Variants in PDZD2 observed in about 807,000 individuals in gnomAD.
PDZD2 encodes the protein PDZ domain containing 2.
A neutral mutation model predicts 220.7 loss-of-function variants in PDZD2; 90 were observed. That is an observed-to-expected ratio of 0.41 (90% CI 0.34 to 0.49). The LOEUF (loss-of-function observed/expected upper bound fraction) is 0.49. PDZD2 is among the 20% of genes least tolerant of loss of function. The pLI is 0.28. For synonymous variants in PDZD2, 1,375 were observed against 1,450.5 expected, an observed-to-expected ratio of 0.95 and a Z score of 1.18; for missense variants, 3,174 against 3,608.5, an observed-to-expected ratio of 0.88 and a Z score of 3.08.
chr5:32,043,049 C>A (rs1737575645), intron 7 of PDZD2, among the ~76,000 whole-genome samples: 1 of 152,152 alleles, frequency 6.6e-6, no homozygotes, highest in African/African-American at 2.4e-5. Flanking sequence ...TCCTTCCCTG[C>A]CCTTTGGCTT....
chr5:31,744,878 G>C (rs2150170630), intron 1 of PDZD2, among the ~76,000 whole-genome samples: 1 of 151,998 alleles, frequency 6.6e-6, no homozygotes, highest in African/African-American at 2.4e-5. Flanking sequence ...AGACCATCCT[G>C]GCTAACATGG....
chr5:32,092,862 T>C (rs1262106414), intron 20 of PDZD2, 45 bp from the exon 21 acceptor site: 5 of 940,316 alleles, frequency 5.3e-6, no homozygotes, highest in Non-Finnish European at 6.6e-6. Context: ...AATGAAGAAA[T>C]TGCTTTTTTC....
In PDZD2 at chr5:32,088,416, C is replaced by T. The variant is rs1349133576; in HGVS notation, c.4968C>T (p.Tyr1656=). 2 of 1,614,042 alleles carry T rather than the reference C, an allele frequency of 1.2e-6. No individual in the cohort carries two copies. Among genetic ancestry groups the T allele is most frequent in the East Asian group, 4.5e-5 (2 of 44,874 alleles). ...AGGCCGCCTGCTTGCCAGGCTCATACACTTCAGGCCCAGACTCTTCCCAGC... is the reference window on the plus strand; with the variant it reads ...AGGCCGCCTGCTTGCCAGGCTCATATACTTCAGGCCCAGACTCTTCCCAGC... ...REKAACLPGS[Y]TSGPDSSQPS... The change falls in exon 20 of 25, where the codon TAC becomes TAT. Residue 1656 remains tyrosine, a synonymous_variant. Coordinates refer to ENST00000438447, the MANE Select transcript of PDZD2 (RefSeq NM_178140.4). The surrounding 1 kb of genome is among the most constrained non-coding windows in gnomAD (Gnocchi z 4.6).
chr5:31,840,076 A>G (rs1580863176), intron 2 of PDZD2, among the ~76,000 whole-genome samples: 1 of 152,082 alleles, frequency 6.6e-6, no homozygotes, highest in Middle Eastern at 3.4e-3. Flanking sequence ...AAAAATACAG[A>G]AATTAGCCAG....
At chr5:31,839,431 A>G (rs1757138781) in intron 2 of PDZD2, among the ~76,000 whole-genome samples, 2 of 152,244 alleles carry the variant, frequency 1.3e-5, no homozygotes, top group South Asian at 4.1e-4. Flanking sequence ...TGGTGTTATT[A>G]TAGAATAAAT....
intron 16 of PDZD2, 97 bp from the exon 17 acceptor site, chr5:32,072,064 T>A: frequency 1.2e-6 from 1 of 834,910 alleles, no homozygotes; most frequent in Non-Finnish European, 1.9e-6. Context: ...GACCGTTGAT[T>A]AGAACGAAGT....
Position 32,110,517 on chromosome 5 carries a change from C to CTGAAG in PDZD2, c.*2387_*2391dup, listed in dbSNP as rs1360140407. Reference sequence around the variant, plus strand: ...TTAGCCTAATAAATTCCCACACTTTCTGAAGTGAACACTAATGGTATTGTC... The same window carrying CTGAAG: ...TTAGCCTAATAAATTCCCACACTTTCTGAAGTGAAGTGAACACTAATGGTATTGTC... On this transcript the variant is annotated 3_prime_UTR_variant, in exon 25 of 25. Transcript: ENST00000438447. The CTGAAG allele has an allele frequency of 6.6e-6, 1 of 152,604 alleles. No individual in the cohort carries two copies. Among genetic ancestry groups the CTGAAG allele is most frequent in the East Asian group, 1.9e-4 (1 of 5,202 alleles). The allele number at this position is 152,604 out of a possible 1,614,324, so 9.5% of individuals were successfully genotyped here.
chr5:32,077,565 T>G lies in PDZD2; in HGVS notation c.3641T>G (p.Leu1214Arg). Residue 1214 changes from leucine to arginine, a missense_variant, in exon 19 of 25, where the codon CTG (leucine) becomes CGG (arginine). Leu to Arg is a moderately radical substitution (Grantham distance 102). Coordinates refer to ENST00000438447, the MANE Select transcript of PDZD2 (RefSeq NM_178140.4). ...HLDASHLTEN[L>R]PKAASELGQQ... ...GATGCCAGCCACCTCACAGAGAACC[T>G]GCCCAAAGCTGCATCAGAGCTGGGG... 1 of 1,614,158 alleles carries G rather than the reference T, an allele frequency of 6.2e-7. No homozygotes were observed. The highest frequency in any genetic ancestry group is 8.5e-7 in the Non-Finnish European group (1 of 1,180,004).
Position 32,090,650 on chromosome 5 carries a change from G to A in PDZD2, c.7202G>A (p.Ser2401Asn). 1 of 1,614,104 alleles carries A rather than the reference G, an allele frequency of 6.2e-7. No individual in the cohort carries two copies. Among genetic ancestry groups the A allele is most frequent in the Non-Finnish European group, 8.5e-7 (1 of 1,180,010 alleles). Reference sequence around the variant, plus strand: ...TTGAGACGCAGCTTGAGTTCCTGCAGCGAAAACCAAAGCGAAGCCGGCACC... The same window carrying A: ...TTGAGACGCAGCTTGAGTTCCTGCAACGAAAACCAAAGCGAAGCCGGCACC... ...RLLRRSLSSC[S>N]ENQSEAGTLL... Residue 2401 changes from serine (S) to asparagine (N), a missense_variant, in exon 20 of 25, where the codon AGC (serine) becomes AAC (asparagine). Physicochemically the swap from Ser to Asn is conservative, Grantham distance 46. This residue lies in a region of PDZD2 where 631 missense variants were observed against 789.9 expected (regional missense o/e 0.80). Coordinates refer to ENST00000438447, the MANE Select transcript of PDZD2 (RefSeq NM_178140.4). This position sits in a 1 kb window ranked among gnomAD's most constrained non-coding sequence, Gnocchi z 4.3.
intron 1 of PDZD2, among the ~76,000 whole-genome samples, chr5:31,684,571 T>C (rs1236334535): frequency 1.3e-5 from 2 of 152,062 alleles, no homozygotes; most frequent in Non-Finnish European, 2.9e-5. Context: ...CAGTTTTTTT[T>C]TTTTTTAGAT....
At chr5:31,655,083 A>G (rs1007215960) in intron 1 of PDZD2, among the ~76,000 whole-genome samples, 1 of 152,188 alleles carries the variant, frequency 6.6e-6, no homozygotes, top group East Asian at 1.9e-4. Flanking sequence ...CCATCAGTGG[A>G]GTCTTCCGTG....
At chr5:31,975,418 G>T (rs1749663543) in intron 2 of PDZD2, among the ~76,000 whole-genome samples, 1 of 152,116 alleles carries the variant, frequency 6.6e-6, no homozygotes, top group Admixed American at 6.6e-5. Flanking sequence ...CTCCCACCAG[G>T]TCCCTCCCAT....
At chr5:31,941,377 A>G (rs1746203470) in intron 2 of PDZD2, among the ~76,000 whole-genome samples, 1 of 152,226 alleles carries the variant, frequency 6.6e-6, no homozygotes, top group Non-Finnish European at 1.5e-5. Flanking sequence ...GAAAATATCA[A>G]AGATATTTTA....
chr5:31,771,885 G>A (rs1179252314), intron 1 of PDZD2, among the ~76,000 whole-genome samples: 1 of 151,668 alleles, frequency 6.6e-6, no homozygotes, highest in Non-Finnish European at 1.5e-5. Context: ...TATTAAATGA[G>A]ATAATTAGAT....
rs762069263 is a variant in PDZD2 at position 32,090,545 on chromosome 5, AGCCTCCCAT to A, written c.7098_7106del (p.Lys2366_Ile2369delinsAsn). The A allele has an allele frequency of 6.2e-7, 1 of 1,613,936 alleles. No homozygotes were observed. The stretch of plus-strand genomic sequence containing the variant: ...TCCCCATTTTTGTCGGTGAGCTCCA[AGCCTCCCAT>A]TGGGAGGCGGTCTTCCGGCAGCATT... On this transcript the variant is annotated inframe_deletion, in exon 20 of 25. Coordinates refer to ENST00000438447, the MANE Select transcript of PDZD2 (RefSeq NM_178140.4). This position sits in a 1 kb window ranked among gnomAD's most constrained non-coding sequence, Gnocchi z 4.3.
At chr5:32,031,906 G>A (rs1755151043) in intron 6 of PDZD2, among the ~76,000 whole-genome samples, 2 of 152,160 alleles carry the variant, frequency 1.3e-5, no homozygotes, top group African/African-American at 4.8e-5. Flanking sequence ...TGATCAATAT[G>A]TTACAGGCAC....
At chr5:31,946,870 A>G (rs190441532) in intron 2 of PDZD2, among the ~76,000 whole-genome samples, 3 of 152,116 alleles carry the variant, frequency 2.0e-5, no homozygotes, top group South Asian at 2.1e-4. Context: ...GCTAGTTTTT[A>G]AAAATATTTT....
At chr5:32,038,266 C>T (rs1179660592) in intron 7 of PDZD2, among the ~76,000 whole-genome samples, 1 of 30,644 alleles carries the variant, frequency 3.3e-5, no homozygotes, top group African/African-American at 1.4e-4. Flanking sequence ...CGCGGTGGCT[C>T]ACACCTGTAA....
At chr5:31,945,052 A>G (rs1232653375) in intron 2 of PDZD2, among the ~76,000 whole-genome samples, 1 of 152,204 alleles carries the variant, frequency 6.6e-6, no homozygotes, top group Non-Finnish European at 1.5e-5. Context: ...TGCAAGTTGT[A>G]TATCTTTGTA....
Sources: allele counts gnomAD v4.1 joint callset (sites outside exome capture counted in the v4.1 genomes callset), GRCh38; gene constraint gnomAD v4.1.1; regional missense constraint gnomAD v4.1.1; non-coding constraint Gnocchi (gnomAD v3.1); transcripts MANE v1.5; gene names NCBI Gene and HGNC (gene_info 2026-07-23, HGNC 2026-07-21).